The following GRIN2B variants were observed in gnomAD, a reference collection of about 807,000 sequenced individuals.
The protein encoded by GRIN2B is glutamate ionotropic receptor NMDA type subunit 2B.
GRIN2B carries 5 observed loss-of-function variants against 114.5 expected under a neutral mutation model. The ratio of observed to expected loss-of-function variants is 0.04; its 90% confidence interval spans 0.02 to 0.09. The LOEUF is 0.09. GRIN2B is among the 10% of genes least tolerant of loss of function. GRIN2B has a pLI of 1.00. For missense variants in GRIN2B, 1,108 were observed against 1,943.5 expected, an observed-to-expected ratio of 0.57 and a Z score of 8.08; for synonymous variants, 787 against 745.1, an observed-to-expected ratio of 1.06 and a Z score of -0.92.
At chr12:13,814,368 G>A (rs143459486) in intron 3 of GRIN2B, among the ~76,000 whole-genome samples, 9 of 152,272 alleles carry the variant, frequency 5.9e-5, no homozygotes, top group East Asian at 5.8e-4. Context: ...GGAGAGAGTC[G>A]TTAAAAAGCA....
intron 10 of GRIN2B, among the ~76,000 whole-genome samples, chr12:13,594,693 C>T (rs1949051306): frequency 6.7e-6 from 1 of 148,772 alleles, no homozygotes; most frequent in Admixed American, 6.7e-5. Context: ...AAGCCGCTCA[C>T]ATGGAGGTGC....
intron 3 of GRIN2B, among the ~76,000 whole-genome samples, chr12:13,830,477 A>G (rs558137885): frequency 1.9e-4 from 29 of 152,352 alleles, no homozygotes; most frequent in Non-Finnish European, 4.0e-4. Flanking sequence ...TATAGCAAAC[A>G]TAGTAGGAGA....
intron 4 of GRIN2B, among the ~76,000 whole-genome samples, chr12:13,694,904 G>GT (rs1189690543): frequency 6.6e-6 from 1 of 151,682 alleles, no homozygotes; most frequent in East Asian, 1.9e-4. Flanking sequence ...GGATTACAAA[G>GT]TTTTTTATGG....
intron 3 of GRIN2B, among the ~76,000 whole-genome samples, chr12:13,784,999 A>G (rs372658104): frequency 5.0e-4 from 76 of 152,366 alleles, no homozygotes; most frequent in African/African-American, 1.7e-3. Flanking sequence ...ACAATAGCAA[A>G]CTAACACACC....
At chr12:13,757,704 CA>C (rs1863602661) in intron 3 of GRIN2B, among the ~76,000 whole-genome samples, 1 of 152,072 alleles carries the variant, frequency 6.6e-6, no homozygotes. Context: ...TATAAAGGGC[CA>C]TCCTAACAGA....
intron 3 of GRIN2B, among the ~76,000 whole-genome samples, chr12:13,795,313 G>A (rs947229813): frequency 1.3e-5 from 2 of 152,018 alleles, no homozygotes; most frequent in South Asian, 4.1e-4. Context: ...GATATAAGAA[G>A]GCAGTTATTA....
At chr12:13,880,908 C>T (rs937267578) in intron 2 of GRIN2B, among the ~76,000 whole-genome samples, 1 of 152,094 alleles carries the variant, frequency 6.6e-6, no homozygotes, top group Admixed American at 6.5e-5. Context: ...TGTTCCACAG[C>T]CTATTTGAGA....
intron 2 of GRIN2B, among the ~76,000 whole-genome samples, chr12:13,957,729 C>T (rs138144242): frequency 3.7e-4 from 56 of 152,276 alleles, no homozygotes; most frequent in Non-Finnish European, 6.5e-4. Flanking sequence ...GCAGTCGGCT[C>T]CCTCATCTCT....
chr12:13,923,131 G>T (rs996861368), intron 2 of GRIN2B, among the ~76,000 whole-genome samples: 12 of 151,344 alleles, frequency 7.9e-5, no homozygotes, highest in African/African-American at 2.9e-4. Context: ...TATATGAGCT[G>T]CAAAAAAGGC....
intron 2 of GRIN2B, among the ~76,000 whole-genome samples, chr12:13,903,013 C>A (rs992575336): frequency 5.3e-5 from 8 of 151,890 alleles, no homozygotes; most frequent in South Asian, 2.1e-4. Flanking sequence ...TCTATTTCAA[C>A]TAATTTTTTT....
At chr12:13,596,006 T>A (rs538037086) in intron 10 of GRIN2B, among the ~76,000 whole-genome samples, 1 of 152,010 alleles carries the variant, frequency 6.6e-6, no homozygotes, top group East Asian at 1.9e-4. Flanking sequence ...CCTTGTGTGT[T>A]CAAGTGCATT....
intron 2 of GRIN2B, among the ~76,000 whole-genome samples, chr12:13,870,722 T>C (rs940811790): frequency 6.6e-6 from 1 of 152,204 alleles, no homozygotes; most frequent in Non-Finnish European, 1.5e-5. Context: ...GACTGGAATA[T>C]GACAGGCAGT....
intron 5 of GRIN2B, 100 bp from the exon 6 acceptor site, chr12:13,616,757 A>G: frequency 1.1e-6 from 1 of 929,140 alleles, no homozygotes; most frequent in East Asian, 2.4e-5. Context: ...CAGTTGAACA[A>G]AAGCCAACAA....
At chr12:13,762,597 AT>A (rs1411070892) in intron 3 of GRIN2B, among the ~76,000 whole-genome samples, 1 of 152,236 alleles carries the variant, frequency 6.6e-6, no homozygotes, top group African/African-American at 2.4e-5. Context: ...TAGAAAAGGC[AT>A]TTTATATTTG....
At chr12:13,655,535 T>A (rs1419448237) in intron 5 of GRIN2B, among the ~76,000 whole-genome samples, 1 of 152,186 alleles carries the variant, frequency 6.6e-6, no homozygotes, top group Non-Finnish European at 1.5e-5. Flanking sequence ...CAGACCTTTC[T>A]CTGTGTTACA....
intron 11 of GRIN2B, among the ~76,000 whole-genome samples, chr12:13,571,304 T>C (rs1219129618): frequency 6.6e-6 from 1 of 152,122 alleles, no homozygotes; most frequent in East Asian, 1.9e-4. Context: ...GGTCATGAAC[T>C]CCTATGAATG....
At chr12:13,833,955 GT>G (rs1459474961) in intron 3 of GRIN2B, among the ~76,000 whole-genome samples, 100 of 148,494 alleles carry the variant, frequency 6.7e-4, no homozygotes, top group African/African-American at 2.4e-3. Context: ...GCCTCGTGAT[GT>G]ACACATGCCC....
At chr12:13,826,703 C>T (rs1865042160) in intron 3 of GRIN2B, among the ~76,000 whole-genome samples, 2 of 151,756 alleles carry the variant, frequency 1.3e-5, no homozygotes, top group South Asian at 4.2e-4. Context: ...CATCATAAAC[C>T]CCACTATACA....
chr12:13,954,248 A>G (rs1427432915), intron 2 of GRIN2B, among the ~76,000 whole-genome samples: 1 of 152,208 alleles, frequency 6.6e-6, no homozygotes, highest in African/African-American at 2.4e-5. Flanking sequence ...ACTAAAAAAT[A>G]TCTCAGCACA....
Sources: allele counts gnomAD v4.1 joint callset (sites outside exome capture counted in the v4.1 genomes callset), GRCh38; gene constraint gnomAD v4.1.1; transcripts MANE v1.5; gene names NCBI Gene and HGNC (gene_info 2026-07-23, HGNC 2026-07-21).